Variants in KLHL1 observed in about 807,000 individuals in gnomAD.
KLHL1 encodes the protein kelch-like protein 1.
KLHL1 carries 47 observed loss-of-function variants against 77.7 expected under a neutral mutation model. The ratio of observed to expected loss-of-function variants is 0.60; its 90% CI spans 0.48 to 0.77. KLHL1 has a LOEUF of 0.77. Ranked by LOEUF, KLHL1 falls within the 30% of genes least tolerant of loss-of-function variation. The probability of loss-of-function intolerance (pLI) is 0.00; values close to 1 mark genes in which losing one functional copy is unlikely to be tolerated. For synonymous variants in KLHL1, 360 were observed against 325.2 expected, an observed-to-expected ratio of 1.11 and a Z score of -1.15; for missense variants, 925 against 910.8, an observed-to-expected ratio of 1.02 and a Z score of -0.20.
chr13:69,796,010 A>G (rs1392571005), intron 7 of KLHL1, among the ~76,000 whole-genome samples: 1 of 152,154 alleles, frequency 6.6e-6, no homozygotes, highest in Admixed American at 6.5e-5. Flanking sequence ...TCTGGGTTGC[A>G]CTACTTCGGC....
At chr13:70,068,290 G>T (rs112991777) in intron 1 of KLHL1, among the ~76,000 whole-genome samples, 3 of 151,882 alleles carry the variant, frequency 2.0e-5, no homozygotes, top group African/African-American at 7.3e-5. Flanking sequence ...GCAGTGAGCC[G>T]AGATCGCGCC....
At chr13:70,038,299 A>G (rs1415256923) in intron 1 of KLHL1, among the ~76,000 whole-genome samples, 1 of 152,094 alleles carries the variant, frequency 6.6e-6, no homozygotes, top group East Asian at 1.9e-4. Context: ...GCTTTTTAAT[A>G]CCTGTTGAAG....
rs569860412 is a variant in KLHL1, at chr13:70,077,910, G to C, written c.497+29293C>G. On this transcript the variant is annotated intron_variant, in intron 1 of 10. Transcript: ENST00000377844. ...CCTTTCTGTGATATTTACCTTGTTAGGTTTTGTGTTCTTTTGAAAGTCTTT... is the reference window on the plus strand; with the variant it reads ...CCTTTCTGTGATATTTACCTTGTTACGTTTTGTGTTCTTTTGAAAGTCTTT... Among the ~76,000 whole-genome samples the C allele has an allele frequency of 2.0e-5, 3 of 152,016 alleles. No homozygotes were observed. The East Asian group carries it at 5.8e-4, about 29-fold the overall frequency.
intron 7 of KLHL1, among the ~76,000 whole-genome samples, chr13:69,780,029 A>G (rs1478465690): frequency 1.3e-5 from 2 of 151,130 alleles, no homozygotes; most frequent in African/African-American, 2.4e-5. Flanking sequence ...GTCTCTATCT[A>G]TCTCCTGATC....
intron 1 of KLHL1, among the ~76,000 whole-genome samples, chr13:70,105,988 T>A (rs1429402446): frequency 6.6e-6 from 1 of 150,536 alleles, no homozygotes; most frequent in African/African-American, 2.4e-5. Context: ...AATTAAAAAA[T>A]ATATATAATG....
intron 4 of KLHL1, among the ~76,000 whole-genome samples, chr13:69,937,571 C>T (rs540226657): frequency 6.6e-6 from 1 of 152,252 alleles, no homozygotes; most frequent in African/African-American, 2.4e-5. Context: ...TCCTTCAGTG[C>T]TGCTATTCTG....
chr13:70,088,697 TAAATA>T (rs1887603448), intron 1 of KLHL1, among the ~76,000 whole-genome samples: 4 of 151,964 alleles, frequency 2.6e-5, no homozygotes, highest in African/African-American at 9.7e-5. Context: ...AACAAACAAA[TAAATA>T]AAATAAAATA....
chr13:69,877,987 G>A lies in KLHL1; in HGVS notation c.1227+4296C>T, dbSNP rs1234937623. Among the ~76,000 whole-genome samples, 5 of 152,254 alleles carry A rather than the reference G, an allele frequency of 3.3e-5. No individual in the cohort carries two copies. The East Asian group carries it at 5.8e-4, about 18-fold the overall frequency. The stretch of plus-strand genomic sequence containing the variant: ...ATAAAACACATGGGAGGGCAGAAAT[G>A]ATAGAACTGAAATATGTCCAAGTCA... On this transcript the variant is annotated intron_variant, in intron 5 of 10. Transcript: ENST00000377844.
chr13:69,752,840 T>C (rs1318267333), intron 7 of KLHL1, among the ~76,000 whole-genome samples: 1 of 152,214 alleles, frequency 6.6e-6, no homozygotes, highest in Non-Finnish European at 1.5e-5. Flanking sequence ...CTGGCTGTTG[T>C]AGCAACCATT....
chr13:70,025,866 T>G (rs906139126), intron 1 of KLHL1, among the ~76,000 whole-genome samples: 4 of 152,206 alleles, frequency 2.6e-5, no homozygotes, highest in Non-Finnish European at 5.9e-5. Flanking sequence ...ACTGCTCAGC[T>G]GTTAAAATAA....
chr13:69,826,055 G>C (rs898839355), intron 6 of KLHL1, among the ~76,000 whole-genome samples: 12 of 152,078 alleles, frequency 7.9e-5, no homozygotes, highest in African/African-American at 2.9e-4. Flanking sequence ...TATGTTAAGT[G>C]AACTAAACCA....
At chr13:70,018,000 A>G (rs1363951555) in intron 1 of KLHL1, among the ~76,000 whole-genome samples, 2 of 152,180 alleles carry the variant, frequency 1.3e-5, no homozygotes, top group Non-Finnish European at 2.9e-5. Context: ...CTTAATAACA[A>G]TTTAATTGAA....
chr13:69,789,846 T>G (rs537308355), intron 7 of KLHL1, among the ~76,000 whole-genome samples: 1 of 152,202 alleles, frequency 6.6e-6, no homozygotes, highest in East Asian at 1.9e-4. Context: ...TGTTTTGTAT[T>G]TGTTTTGCAT....
At chr13:69,814,642 T>G (rs1474837811) in intron 6 of KLHL1, among the ~76,000 whole-genome samples, 8 of 152,050 alleles carry the variant, frequency 5.3e-5, no homozygotes, top group Non-Finnish European at 1.0e-4. Flanking sequence ...ATACTCAACA[T>G]CACTAATCAT....
intron 5 of KLHL1, among the ~76,000 whole-genome samples, chr13:69,855,236 G>C (rs984008724): frequency 2.9e-4 from 44 of 152,012 alleles, no homozygotes; most frequent in African/African-American, 1.0e-3. Context: ...TTGTGTCAGA[G>C]AGTGATGCCA....
intron 6 of KLHL1, among the ~76,000 whole-genome samples, chr13:69,826,097 CT>C (rs1165152068): frequency 6.6e-6 from 1 of 152,248 alleles, no homozygotes; most frequent in East Asian, 1.9e-4. Flanking sequence ...AATGATCTCA[CT>C]TTTGCATAGG....
chr13:69,748,431 G>A (rs1036741222), intron 7 of KLHL1, among the ~76,000 whole-genome samples: 4 of 151,984 alleles, frequency 2.6e-5, no homozygotes, highest in Non-Finnish European at 5.9e-5. Flanking sequence ...GGAATCCCCT[G>A]ATAAAACCAT....
At chr13:69,861,597 C>G (rs1386961726) in intron 5 of KLHL1, among the ~76,000 whole-genome samples, 2 of 151,512 alleles carry the variant, frequency 1.3e-5, no homozygotes, top group Admixed American at 1.3e-4. Context: ...GTTTTACAAA[C>G]AAGTTTATGA....
Position 70,108,357 on chromosome 13 carries a change from T to C in KLHL1, c.-658A>G, listed in dbSNP as rs981247922. On this transcript the variant is annotated 5_prime_UTR_variant, in exon 1 of 11. Coordinates refer to ENST00000377844, the MANE Select transcript of KLHL1 (RefSeq NM_020866.3). ...CAATGCCAGAAGAGGTGGTTTTATA[T>C]AGTCAGTTTGTAAAAGAGAAAAATA... 4.2e-6 allele frequency: 1 copy of C among 236,034 alleles called. No individual in the cohort carries two copies. Among genetic ancestry groups the C allele is most frequent in the Non-Finnish European group, 8.1e-6 (1 of 123,930 alleles). The allele number at this position is 236,034 out of a possible 1,614,324, so 14.6% of individuals were successfully genotyped here.
Sources: allele counts gnomAD v4.1 joint callset (sites outside exome capture counted in the v4.1 genomes callset), GRCh38; gene constraint gnomAD v4.1.1; transcripts MANE v1.5; gene names NCBI Gene and HGNC (gene_info 2026-07-23, HGNC 2026-07-21).